CAPZA1: variants seen among roughly 807,000 people sequenced by gnomAD.
CAPZA1 encodes the protein F-actin-capping protein subunit alpha-1.
A neutral mutation model predicts 40.8 loss-of-function variants in CAPZA1; 10 were observed. The observed-to-expected ratio is 0.25, with a 90% CI of 0.15 to 0.42. The LOEUF is 0.42. CAPZA1 is among the 10% of genes least tolerant of loss of function. The pLI is 1.00. For synonymous variants in CAPZA1, 98 were observed against 115.0 expected (o/e 0.85, Z 0.95); for missense variants, 277 against 353.8 (o/e 0.78, Z 1.74).
In CAPZA1 at chr1:112,670,917, TGTG is replaced by T. The variant is rs1671818401; in HGVS notation, c.*787_*789del. 1 of 152,678 alleles carries T rather than the reference TGTG, an allele frequency of 6.5e-6. No individual in the cohort carries two copies. The allele number at this position is 152,678 out of a possible 1,614,324, so 9.5% of individuals were successfully genotyped here. ...AAACATTCAAGAACTGCTGACGTAC[TGTG>T]GATGTAGAGTATAAAACTTGAAAAA... is the stretch of plus-strand genomic sequence containing the variant. On this transcript the variant is annotated 3_prime_UTR_variant, in exon 10 of 10. Coordinates refer to ENST00000263168, the MANE Select transcript of CAPZA1 (RefSeq NM_006135.3).
At chr1:112,620,003 A>C in intron 1 of CAPZA1, 120 bp downstream of exon 1, 1 of 766,718 alleles carries the variant, frequency 1.3e-6, no homozygotes, top group East Asian at 2.8e-5. Context: ...CCATGCTGAC[A>C]TACGCTCTCC....
At position 112,667,635 on chromosome 1, in the gene CAPZA1, G is replaced by A. The variant is rs190050663; in HGVS notation, c.657+490G>A. Among the ~76,000 whole-genome samples, 633 of 152,266 alleles carry A rather than the reference G, an allele frequency of 4.2e-3. 3 individuals are homozygous for A. Among genetic ancestry groups the A allele is most frequent in the African/African-American group, 0.015 (610 of 41,574 alleles). ...TGCAGCCTTGAGCTCCCAGGCTCAA[G>A]CGATCCTCCCACCTCAGCCTCCCAA... is the stretch of plus-strand genomic sequence containing the variant. On this transcript the variant is annotated intron_variant, in intron 8 of 9. Coordinates refer to ENST00000263168, the MANE Select transcript of CAPZA1 (RefSeq NM_006135.3).
intron 1 of CAPZA1, among the ~76,000 whole-genome samples, chr1:112,633,931 A>G (rs1216817789): frequency 6.6e-6 from 1 of 151,992 alleles, no homozygotes; most frequent in Non-Finnish European, 1.5e-5. Context: ...AAATTGGGTT[A>G]TTTGTTTTCT....
At position 112,670,878 on chromosome 1, in the gene CAPZA1, C is replaced by G. The variant is rs1671817247; in HGVS notation, c.*746C>G. Reference sequence around the variant, plus strand: ...TCTGCATTTTTTAGAAGCATTTTACCCATTTATTTTTTTAAACATTCAAGA... The same window carrying G: ...TCTGCATTTTTTAGAAGCATTTTACGCATTTATTTTTTTAAACATTCAAGA... On this transcript the variant is annotated 3_prime_UTR_variant, in exon 10 of 10. Transcript: ENST00000263168. 6.6e-6 allele frequency: 1 copy of G among 152,496 alleles called. No individual in the cohort carries two copies. Among genetic ancestry groups the G allele is most frequent in the African/African-American group, 2.4e-5 (1 of 41,412 alleles). 9.4% of individuals were successfully genotyped at this position (152,496 alleles called of 1,614,324 possible).
intron 1 of CAPZA1, among the ~76,000 whole-genome samples, chr1:112,631,701 C>G (rs2101142731): frequency 6.6e-6 from 1 of 152,272 alleles, no homozygotes; most frequent in Non-Finnish European, 1.5e-5. Context: ...ACGTGAATCT[C>G]AAGGTACCTG....
intron 8 of CAPZA1, among the ~76,000 whole-genome samples, chr1:112,668,526 T>G (rs1177085338): frequency 1.3e-5 from 2 of 152,184 alleles, no homozygotes; most frequent in Non-Finnish European, 2.9e-5. Context: ...GAAGTTTCGC[T>G]CTTGTTGCCC....
chr1:112,656,440 AT>A (rs56343358), intron 5 of CAPZA1, among the ~76,000 whole-genome samples: 4 of 45,764 alleles, frequency 8.7e-5, no homozygotes, highest in Non-Finnish European at 1.5e-4. Context: ...ATTATGTTTG[AT>A]TTTTTTTTTT....
At chr1:112,638,401 G>A (rs901941097) in intron 1 of CAPZA1, among the ~76,000 whole-genome samples, 3 of 152,042 alleles carry the variant, frequency 2.0e-5, no homozygotes, top group African/African-American at 4.8e-5. Flanking sequence ...TGCAACCTCC[G>A]TCTCCTGGGT....
chr1:112,636,323 C>G (rs1242535139), intron 1 of CAPZA1, among the ~76,000 whole-genome samples: 1 of 152,008 alleles, frequency 6.6e-6, no homozygotes, highest in Non-Finnish European at 1.5e-5. Context: ...ATTATTTCCC[C>G]CTTTTAGAGG....
chr1:112,637,654 G>C, intron 1 of CAPZA1, among the ~76,000 whole-genome samples: 1 of 152,138 alleles, frequency 6.6e-6, no homozygotes, highest in South Asian at 2.1e-4. Flanking sequence ...ATCTTACTGT[G>C]TTGCCTAGGC....
At chr1:112,658,481 C>T (rs1020689907) in intron 5 of CAPZA1, among the ~76,000 whole-genome samples, 1 of 152,232 alleles carries the variant, frequency 6.6e-6, no homozygotes, top group African/African-American at 2.4e-5. Context: ...CAAGCTTCAG[C>T]TTTTCTTCGT....
intron 1 of CAPZA1, among the ~76,000 whole-genome samples, chr1:112,627,414 G>A (rs911840449): frequency 1.3e-5 from 2 of 151,844 alleles, no homozygotes; most frequent in African/African-American, 4.8e-5. Context: ...GGAGGCTGAG[G>A]CAGGCGGATT....
At chr1:112,667,370 C>T (rs916776175) in intron 8 of CAPZA1, among the ~76,000 whole-genome samples, 7 of 152,098 alleles carry the variant, frequency 4.6e-5, no homozygotes, top group Non-Finnish European at 8.8e-5. Flanking sequence ...CCTTCTTAGT[C>T]GCTCTCTCAA....
At chr1:112,636,960 TTG>T in intron 1 of CAPZA1, among the ~76,000 whole-genome samples, 1 of 152,388 alleles carries the variant, frequency 6.6e-6, no homozygotes. Context: ...CTTCTCAACT[TTG>T]TAACAACTGC....
intron 1 of CAPZA1, among the ~76,000 whole-genome samples, chr1:112,636,425 G>C (rs1453850934): frequency 1.3e-5 from 2 of 151,986 alleles, no homozygotes; most frequent in Non-Finnish European, 2.9e-5. Flanking sequence ...TTTAGGTTAG[G>C]AACAAAATAT....
chr1:112,621,505 G>A (rs140395312), intron 1 of CAPZA1, among the ~76,000 whole-genome samples: 1 of 152,142 alleles, frequency 6.6e-6, no homozygotes, highest in Non-Finnish European at 1.5e-5. Flanking sequence ...ATCCGTCTTC[G>A]CCACTTAAAG....
At chr1:112,643,677 T>G (rs988275621) in intron 1 of CAPZA1, among the ~76,000 whole-genome samples, 2 of 152,210 alleles carry the variant, frequency 1.3e-5, no homozygotes, top group African/African-American at 4.8e-5. Flanking sequence ...GAGACAGTTA[T>G]TGGAACCCAA....
chr1:112,629,621 C>T (rs1670881712), intron 1 of CAPZA1, among the ~76,000 whole-genome samples: 1 of 152,172 alleles, frequency 6.6e-6, no homozygotes, highest in South Asian at 2.1e-4. Flanking sequence ...TTGAGGACTC[C>T]AGTACTTCTG....
chr1:112,634,097 T>G (rs1026652249), intron 1 of CAPZA1, among the ~76,000 whole-genome samples: 1 of 152,166 alleles, frequency 6.6e-6, no homozygotes, highest in Non-Finnish European at 1.5e-5. Flanking sequence ...TGATGCAACA[T>G]CCGAAATATC....
Sources: allele counts gnomAD v4.1 joint callset (sites outside exome capture counted in the v4.1 genomes callset), GRCh38; gene constraint gnomAD v4.1.1; transcripts MANE v1.5; gene names NCBI Gene and HGNC (gene_info 2026-07-23, HGNC 2026-07-21).